SNTG2: variants seen among roughly 807,000 people sequenced by gnomAD.
SNTG2 encodes the protein syntrophin gamma 2.
In SNTG2, 74 loss-of-function variants were observed where a neutral mutation model predicts 70.9. The ratio of observed to expected loss-of-function variants is 1.04; its 90% CI spans 0.86 to 1.27. The LOEUF is 1.27. Ranked by LOEUF, SNTG2 falls within the 50% of genes most tolerant of loss-of-function variation. The pLI, the probability that SNTG2 is intolerant of heterozygous loss-of-function variation, is 0.00. For missense variants in SNTG2, 717 were observed against 690.7 expected (o/e 1.04, Z -0.43); for synonymous variants, 278 against 273.8 (o/e 1.02, Z -0.15).
chr2:1,273,086 C>T (rs1350427542), intron 14 of SNTG2, among the ~76,000 whole-genome samples: 1 of 152,168 alleles, frequency 6.6e-6, no homozygotes, highest in African/African-American at 2.4e-5. Context: ...TTTTCCACTG[C>T]CAAGTCCTGA....
intron 12 of SNTG2, among the ~76,000 whole-genome samples, chr2:1,255,402 C>G (rs973141183): frequency 2.0e-5 from 3 of 152,118 alleles, no homozygotes; most frequent in Admixed American, 6.5e-5. Context: ...CCTGGGAATA[C>G]TTCTTGAAAA....
At chr2:1,055,228 A>G (rs1425583036) in intron 1 of SNTG2, among the ~76,000 whole-genome samples, 2 of 152,360 alleles carry the variant, frequency 1.3e-5, no homozygotes, top group South Asian at 2.1e-4. Context: ...AGGAGTGGGA[A>G]TGTGAGCTTG....
At chr2:1,229,590 G>A (rs1358420717) in intron 9 of SNTG2, among the ~76,000 whole-genome samples, 4 of 152,238 alleles carry the variant, frequency 2.6e-5, no homozygotes, top group Admixed American at 1.3e-4. Flanking sequence ...GTCCCGCGCC[G>A]TGCGCTCGCA....
At chr2:1,017,607 G>C (rs960629566) in intron 1 of SNTG2, among the ~76,000 whole-genome samples, 2 of 152,146 alleles carry the variant, frequency 1.3e-5, no homozygotes, top group African/African-American at 4.8e-5. Flanking sequence ...TTATGGTGTA[G>C]GTTAAAATTG....
intron 1 of SNTG2, among the ~76,000 whole-genome samples, chr2:1,066,164 C>T (rs1279069738): frequency 2.0e-5 from 3 of 152,186 alleles, no homozygotes; most frequent in Admixed American, 2.0e-4. Flanking sequence ...GCATAAAAAT[C>T]CATGCTTCAG....
intron 7 of SNTG2, 127 bp from the exon 8 acceptor site, chr2:1,172,965 T>A: frequency 1.3e-6 from 1 of 796,516 alleles, no homozygotes; most frequent in East Asian, 2.5e-5. Flanking sequence ...ACCCAGCCCA[T>A]AACTGGACAC....
intron 2 of SNTG2, among the ~76,000 whole-genome samples, chr2:1,091,418 G>C (rs774613098): frequency 2.0e-5 from 3 of 152,182 alleles, no homozygotes; most frequent in Non-Finnish European, 2.9e-5. Context: ...GCATCTTCAG[G>C]TTCCTCCTGT....
intron 6 of SNTG2, among the ~76,000 whole-genome samples, chr2:1,162,775 T>C (rs1219084402): frequency 6.7e-6 from 1 of 150,154 alleles, no homozygotes; most frequent in Non-Finnish European, 1.5e-5. Flanking sequence ...TCCAGGATCT[T>C]GTGCGGGGGG....
At position 959,514 on chromosome 2, in the gene SNTG2, A is replaced by T. The variant is rs138487754; in HGVS notation, c.72+8446A>T. 3.2e-4 allele frequency among the ~76,000 whole-genome samples: 49 copies of T among 151,822 alleles called. No individual in the cohort carries two copies. The East Asian group carries it at 8.9e-3, about 28-fold the overall frequency. ...GTCAGGGAGGCCTGGAGTCGGGGGGAGGTCCAGGGTTCAGCTGTGCTAGGG... is the reference window on the plus strand; with the variant it reads ...GTCAGGGAGGCCTGGAGTCGGGGGGTGGTCCAGGGTTCAGCTGTGCTAGGG... On this transcript the variant is annotated intron_variant, in intron 1 of 16. Transcript: ENST00000308624.
At chr2:1,139,495 C>T (rs1054777837) in intron 6 of SNTG2, among the ~76,000 whole-genome samples, 1 of 152,098 alleles carries the variant, frequency 6.6e-6, no homozygotes, top group Non-Finnish European at 1.5e-5. Flanking sequence ...CCTGGCCTCT[C>T]AAAGTGCTGG....
intron 7 of SNTG2, 133 bp downstream of exon 7, chr2:1,165,768 A>T: frequency 1.3e-6 from 1 of 752,686 alleles, no homozygotes; most frequent in Non-Finnish European, 2.1e-6. Flanking sequence ...AGAAAAGTAT[A>T]GGCAGGCACC....
chr2:1,164,803 T>C (rs1670596973), intron 6 of SNTG2, among the ~76,000 whole-genome samples: 1 of 151,786 alleles, frequency 6.6e-6, no homozygotes, highest in Non-Finnish European at 1.5e-5. Flanking sequence ...AGGCTCTGTG[T>C]AGAGGAGAGG....
intron 4 of SNTG2, among the ~76,000 whole-genome samples, chr2:1,115,993 C>T (rs1003409235): frequency 5.9e-5 from 9 of 152,236 alleles, no homozygotes; most frequent in Non-Finnish European, 1.2e-4. Flanking sequence ...GGTTCCTCTT[C>T]TAACAGACTG....
chr2:1,307,434 A>AT (rs1287104052), intron 14 of SNTG2, among the ~76,000 whole-genome samples: 2 of 128,212 alleles, frequency 1.6e-5, no homozygotes, highest in African/African-American at 6.5e-5. Flanking sequence ...TGAGCCGTGT[A>AT]CTGTGTGTGT....
At chr2:1,180,799 C>T (rs561581591) in intron 8 of SNTG2, among the ~76,000 whole-genome samples, 3,785 of 151,796 alleles carry the variant, frequency 0.025, 145 homozygotes, top group African/African-American at 0.087. Flanking sequence ...TTCACAATAG[C>T]GAAGACTTGG....
intron 14 of SNTG2, among the ~76,000 whole-genome samples, chr2:1,292,780 C>T (rs975751911): frequency 2.0e-5 from 3 of 152,136 alleles, no homozygotes; most frequent in Non-Finnish European, 4.4e-5. Flanking sequence ...CATCAATCTT[C>T]ATAGGGGATA....
rs1199088782 is a variant in SNTG2, at chr2:1,308,509, T to C, written c.1300T>C (p.Cys434Arg). 6.4e-7 allele frequency: 1 copy of C among 1,551,696 alleles called. No homozygotes were observed. Among genetic ancestry groups the C allele is most frequent in the Non-Finnish European group, 8.7e-7 (1 of 1,146,990 alleles). The change falls in exon 15 of 17, where the codon TGC (cysteine) becomes CGC (arginine). Residue 434 changes from cysteine (C) to arginine (R), a missense_variant. Coordinates refer to ENST00000308624, the MANE Select transcript of SNTG2 (RefSeq NM_018968.4). Reference sequence around the variant, plus strand: ...TTTTTTCTAGTCCAGAACATACATGTGCAGCTGGCAAGGAGAGATGCTGTG... The same window carrying C: ...TTTTTTCTAGTCCAGAACATACATGCGCAGCTGGCAAGGAGAGATGCTGTG... ...VQRTGSRTYM[C>R]SWQGEMLCFT...
At chr2:1,274,357 A>G (rs915590512) in intron 14 of SNTG2, among the ~76,000 whole-genome samples, 3 of 152,240 alleles carry the variant, frequency 2.0e-5, no homozygotes, top group African/African-American at 4.8e-5. Flanking sequence ...GTAGGAATCT[A>G]TCAAAAATGT....
At chr2:1,146,163 A>T (rs771980661) in intron 6 of SNTG2, among the ~76,000 whole-genome samples, 2 of 152,188 alleles carry the variant, frequency 1.3e-5, no homozygotes, top group African/African-American at 4.8e-5. Context: ...GTCTCTTCTC[A>T]TCAGTTCTTT....
Sources: allele counts gnomAD v4.1 joint callset (sites outside exome capture counted in the v4.1 genomes callset), GRCh38; gene constraint gnomAD v4.1.1; transcripts MANE v1.5; gene names NCBI Gene and HGNC (gene_info 2026-07-23, HGNC 2026-07-21).